ENTPD1: variants seen among roughly 807,000 people sequenced by gnomAD.
The protein encoded by ENTPD1 is ectonucleoside triphosphate diphosphohydrolase 1.
Under a neutral mutation model 57.0 loss-of-function variants are expected in ENTPD1, and 33 were observed. The ratio of observed to expected loss-of-function variants is 0.58; its 90% CI spans 0.44 to 0.77. The LOEUF is 0.77. Ranked by LOEUF, ENTPD1 falls within the 30% of genes least tolerant of loss-of-function variation. The pLI is 0.00. For synonymous variants in ENTPD1, 202 were observed against 218.8 expected, an observed-to-expected ratio of 0.92 and a Z score of 0.68; for missense variants, 501 against 603.4, an observed-to-expected ratio of 0.83 and a Z score of 1.78.
chr10:95,779,840 A>G (rs1342401015), intron 1 of ENTPD1, among the ~76,000 whole-genome samples: 4 of 152,158 alleles, frequency 2.6e-5, no homozygotes, highest in South Asian at 2.1e-4. Context: ...TACAATGTAA[A>G]TGGGGGCTTT....
At chr10:95,863,502 T>C (rs1048264937) in intron 8 of ENTPD1, among the ~76,000 whole-genome samples, 2 of 152,200 alleles carry the variant, frequency 1.3e-5, no homozygotes, top group African/African-American at 4.8e-5. Context: ...GGATGTCACA[T>C]GCAGAGGAAT....
Position 95,867,298 on chromosome 10 carries a change from GTT to G in ENTPD1, c.*916_*917del. ...CAGTGACATTTAGTACATTCACAGT[GTT>G]GTGCCACCATCACCACTATTTAGTT... On this transcript the variant is annotated 3_prime_UTR_variant, in exon 10 of 10. Coordinates refer to ENST00000371205, the MANE Select transcript of ENTPD1 (RefSeq NM_001776.6). 1 of 981,990 alleles carries G rather than the reference GTT, an allele frequency of 1.0e-6. No homozygotes were observed. The highest frequency in any genetic ancestry group is 1.2e-6 in the Non-Finnish European group (1 of 826,856). The allele number at this position is 981,990 out of a possible 1,614,324, so 60.8% of individuals were successfully genotyped here.
chr10:95,766,525 T>C (rs2098088963), intron 1 of ENTPD1, among the ~76,000 whole-genome samples: 1 of 152,224 alleles, frequency 6.6e-6, no homozygotes, highest in African/African-American at 2.4e-5. Context: ...GTTGTCTATT[T>C]ACCTCTACTC....
the ENTPD1 span, among the ~76,000 whole-genome samples, chr10:95,704,912 A>T: frequency 6.6e-6 from 1 of 151,770 alleles, no homozygotes; most frequent in African/African-American, 2.4e-5. Context: ...ACATATAAAA[A>T]GAAGGATGTG....
intron 1 of ENTPD1, among the ~76,000 whole-genome samples, chr10:95,775,431 G>T (rs982911904): frequency 6.6e-6 from 1 of 152,174 alleles, no homozygotes; most frequent in African/African-American, 2.4e-5. Flanking sequence ...AATGCTTCCA[G>T]TTTTTGCCCA....
In ENTPD1 at chr10:95,874,915, C is replaced by A. The variant is rs1465279629; in HGVS notation, c.*8532C>A. Among the ~76,000 whole-genome samples the A allele has an allele frequency of 2.0e-5, 3 of 152,228 alleles. No individual in the cohort carries two copies. The highest frequency in any genetic ancestry group is 7.2e-5 in the African/African-American group (3 of 41,464). ...TGGCTCCTTTCAGCCATGGCTGGAGCAGCTGGGACACAGGGCACCAAGTCC... is the reference window on the plus strand; with the variant it reads ...TGGCTCCTTTCAGCCATGGCTGGAGAAGCTGGGACACAGGGCACCAAGTCC... On this transcript the variant is annotated 3_prime_UTR_variant, in exon 10 of 10. Transcript: ENST00000371205.
chr10:95,709,163 CA>C (rs1566082833), upstream of ENTPD1, among the ~76,000 whole-genome samples: 1 of 152,136 alleles, frequency 6.6e-6, no homozygotes, highest in Non-Finnish European at 1.5e-5. Context: ...GGTAACACTT[CA>C]AAAACTATCA....
At chr10:95,863,173 T>C (rs1236983898) in intron 8 of ENTPD1, among the ~76,000 whole-genome samples, 2 of 152,140 alleles carry the variant, frequency 1.3e-5, no homozygotes, top group Admixed American at 6.5e-5. Flanking sequence ...GCATAGCCAA[T>C]GTACAGATTT....
chr10:95,826,141 C>T (rs1446368357), intron 2 of ENTPD1, among the ~76,000 whole-genome samples: 1 of 152,040 alleles, frequency 6.6e-6, no homozygotes, highest in Non-Finnish European at 1.5e-5. Flanking sequence ...TTTAATAACA[C>T]AAATTATTAA....
chr10:95,760,336 C>T (rs1053068604), intron 1 of ENTPD1, among the ~76,000 whole-genome samples: 5 of 152,154 alleles, frequency 3.3e-5, no homozygotes, highest in African/African-American at 9.7e-5. Flanking sequence ...CCCAGCAGTG[C>T]TTGAAGATCT....
At position 95,786,441 on chromosome 10, in the gene ENTPD1, T is replaced by C. The variant is rs143648035; in HGVS notation, c.16+30186T>C. ...AAGGTTGAAGGAGACGCAGGTTCAG[T>C]AGGGGAGGGAGAAGGAATGCATATC... On this transcript the variant is annotated intron_variant, in intron 1 of 9. Coordinates refer to ENST00000371205, the MANE Select transcript of ENTPD1 (RefSeq NM_001776.6). Among the ~76,000 whole-genome samples, 26 of 152,110 alleles carry C rather than the reference T, an allele frequency of 1.7e-4. No individual in the cohort carries two copies. The East Asian group carries it at 4.6e-3, about 27-fold the overall frequency.
chr10:95,771,685 C>G (rs1409104865), intron 1 of ENTPD1, among the ~76,000 whole-genome samples: 1 of 152,184 alleles, frequency 6.6e-6, no homozygotes, highest in Non-Finnish European at 1.5e-5. Flanking sequence ...CAGTGTATCT[C>G]TGGGCATGAA....
chr10:95,792,898 T>C (rs930247909), intron 1 of ENTPD1, among the ~76,000 whole-genome samples: 8 of 152,180 alleles, frequency 5.3e-5, no homozygotes, highest in Non-Finnish European at 1.2e-4. Context: ...TGTGCGTAAC[T>C]GCAAAAGCTG....
At chr10:95,694,300 T>G in the ENTPD1 span, among the ~76,000 whole-genome samples, 3 of 152,092 alleles carry the variant, frequency 2.0e-5, no homozygotes, top group African/African-American at 7.2e-5. Flanking sequence ...TGCAAATTTT[T>G]TTTCACCCCG....
rs1462191030 is a variant in ENTPD1, at chr10:95,869,528, G to A, written c.*3145G>A. 1.0e-6 allele frequency: 1 copy of A among 984,632 alleles called. No homozygotes were observed. The highest frequency in any genetic ancestry group is 1.7e-5 in the African/African-American group (1 of 57,158). 61.0% of individuals were successfully genotyped at this position (984,632 alleles called of 1,614,324 possible). On this transcript the variant is annotated 3_prime_UTR_variant, in exon 10 of 10. Transcript: ENST00000371205. ...GGCTCCCAAAGTGCTGGGATTACAG[G>A]AGTGAGCCACCATGCCTGGCCAGAA...
At chr10:95,830,801 TC>T (rs2098394210) in intron 2 of ENTPD1, among the ~76,000 whole-genome samples, 1 of 151,894 alleles carries the variant, frequency 6.6e-6, no homozygotes, top group African/African-American at 2.4e-5. Context: ...AGACTCTGTC[TC>T]AAAAAAAAGA....
In ENTPD1 at chr10:95,867,380, G is replaced by A; in HGVS notation, c.*997G>A. ...CTAGAGACAAGACTATCCTGGGTAG[G>A]CAGAAACCATAGATCTTTTGTGTTT... On this transcript the variant is annotated 3_prime_UTR_variant, in exon 10 of 10. Transcript: ENST00000371205. 2 of 985,416 alleles carry A rather than the reference G, an allele frequency of 2.0e-6. No homozygotes were observed. Among genetic ancestry groups the A allele is most frequent in the Non-Finnish European group, 2.4e-6 (2 of 829,934 alleles). The allele number at this position is 985,416 out of a possible 1,614,324, so 61.0% of individuals were successfully genotyped here. A position where few individuals can be genotyped will look rare whatever the true frequency, so the allele number is the denominator to read the frequency against.
chr10:95,797,887 T>G (rs940714549), intron 1 of ENTPD1, among the ~76,000 whole-genome samples: 17 of 152,146 alleles, frequency 1.1e-4, no homozygotes, highest in African/African-American at 2.9e-4. Context: ...CCATAGAGAG[T>G]AGGATGTCAT....
rs567093626 is a variant in ENTPD1 at position 95,717,429 on chromosome 10, C to T, written c.37+5436C>T. Among the ~76,000 whole-genome samples, 307 of 151,340 alleles carry T rather than the reference C, an allele frequency of 2.0e-3. 3 individuals are homozygous for T. The highest frequency in any genetic ancestry group is 5.5e-3 in the African/African-American group (228 of 41,196). On this transcript the variant is annotated intron_variant, in intron 1 of 9. Transcript: ENST00000453258. ...TGGGAGGGGACCCAAAGGGGGTTGC[C>T]GCTCCCTGCTCAAATGCCTGGGTTT...
Sources: allele counts gnomAD v4.1 joint callset (sites outside exome capture counted in the v4.1 genomes callset), GRCh38; gene constraint gnomAD v4.1.1; transcripts MANE v1.5; gene names NCBI Gene and HGNC (gene_info 2026-07-23, HGNC 2026-07-21).